ENTPD6: variants seen among roughly 807,000 people sequenced by gnomAD.
ENTPD6 encodes ectonucleoside triphosphate diphosphohydrolase 6.
Under a neutral mutation model 61.5 loss-of-function variants are expected in ENTPD6, and 46 were observed. The ratio of observed to expected loss-of-function variants is 0.75; its 90% CI spans 0.59 to 0.96. The LOEUF is 0.96. Ranked by LOEUF, ENTPD6 falls within the 40% of genes least tolerant of loss-of-function variation. The probability of loss-of-function intolerance (pLI) is 0.00; values close to 1 mark genes in which losing one functional copy is unlikely to be tolerated. For missense variants in ENTPD6, 612 were observed against 629.0 expected (o/e 0.97, Z 0.29); for synonymous variants, 252 against 255.5 (o/e 0.99, Z 0.13).
chr20:25,217,664 A>G, intron 9 of ENTPD6, 83 bp downstream of exon 9: 2 of 1,188,842 alleles, frequency 1.7e-6, no homozygotes, highest in African/African-American at 1.5e-5. Context: ...TCTTGAGGTC[A>G]TGGATGGCAG....
chr20:25,203,974 G>A (rs1202275643), intron 1 of ENTPD6, among the ~76,000 whole-genome samples: 1 of 152,196 alleles, frequency 6.6e-6, no homozygotes, highest in Non-Finnish European at 1.5e-5. Context: ...TTTCTTCTGA[G>A]GATGCATCTT....
intron 1 of ENTPD6, chr20:25,197,086 G>T (rs984047779): frequency 2.0e-6 from 2 of 985,264 alleles, no homozygotes; most frequent in Non-Finnish European, 2.4e-6. Flanking sequence ...TTTCTAATGT[G>T]CTTCATTTTT....
Position 25,216,835 on chromosome 20 carries a change from G to A in ENTPD6, c.798+99G>A, listed in dbSNP as rs146676409. On this transcript the variant is annotated intron_variant, in intron 8 of 14. Coordinates refer to ENST00000376652, the MANE Select transcript of ENTPD6 (RefSeq NM_001247.5). ...TGCTGAGGTGCTGCGGGGTGGGGTG[G>A]GGGGTGGGGTTGGCCAGGTCTCTGG... 4,774 of 844,480 alleles carry A rather than the reference G, an allele frequency of 5.7e-3. 223 individuals are homozygous for A. The highest frequency in any genetic ancestry group is 7.5e-3 in the Non-Finnish European group (4,064 of 542,814). 52.3% of individuals were successfully genotyped at this position (844,480 alleles called of 1,614,324 possible).
intron 1 of ENTPD6, among the ~76,000 whole-genome samples, chr20:25,201,419 T>C (rs6083774): frequency 0.11 from 16,935 of 152,270 alleles, 2,474 homozygotes; most frequent in African/African-American, 0.34. Flanking sequence ...TATCAGTGTC[T>C]GGTTCATATA....
intron 7 of ENTPD6, among the ~76,000 whole-genome samples, 176 bp downstream of exon 7, chr20:25,215,887 C>T (rs577335022): frequency 2.6e-5 from 4 of 152,340 alleles, no homozygotes; most frequent in Non-Finnish European, 4.4e-5. Context: ...CCACCTGTCT[C>T]ACAGGTGTAG....
Position 25,197,091 on chromosome 20 carries a change from A to G in ENTPD6, c.-16+1224A>G, listed in dbSNP as rs151061835. On this transcript the variant is annotated intron_variant, in intron 1 of 14. Coordinates refer to ENST00000376652, the MANE Select transcript of ENTPD6 (RefSeq NM_001247.5). ...TGAGTGGAAGTTTCTAATGTGCTTCATTTTTTGATACAGCGTGCATGGCAG... is the reference window on the plus strand; with the variant it reads ...TGAGTGGAAGTTTCTAATGTGCTTCGTTTTTTGATACAGCGTGCATGGCAG... The G allele has an allele frequency of 2.9e-4, 287 of 985,406 alleles. 4 individuals are homozygous for G. In the Middle Eastern group the frequency reaches 0.014, roughly 47 times the overall value. The allele number at this position is 985,406 out of a possible 1,614,324, so 61.0% of individuals were successfully genotyped here.
chr20:25,198,452 G>T (rs2090719057), intron 1 of ENTPD6, among the ~76,000 whole-genome samples: 1 of 151,940 alleles, frequency 6.6e-6, no homozygotes, highest in African/African-American at 2.4e-5. Flanking sequence ...TCCAGCCTAG[G>T]TGATAGGTGA....
chr20:25,199,370 A>G (rs73339025), intron 1 of ENTPD6, among the ~76,000 whole-genome samples: 8,628 of 152,256 alleles, frequency 0.057, 744 homozygotes, highest in African/African-American at 0.2. Flanking sequence ...TATTTGACAC[A>G]GTGGGTGGGC....
chr20:25,207,419 G>C, intron 3 of ENTPD6, 22 bp downstream of exon 3: 1 of 1,510,474 alleles, frequency 6.6e-7, no homozygotes. Context: ...TCATGGCAGG[G>C]CTCTCGGGAT....
At chr20:25,215,026 A>C (rs1600615710) in intron 6 of ENTPD6, 84 bp downstream of exon 6, 1 of 892,006 alleles carries the variant, frequency 1.1e-6, no homozygotes, top group East Asian at 2.5e-5. Context: ...ACCATCCGCC[A>C]CCCCTCCCCG....
At chr20:25,215,114 A>G (rs2092244307) in intron 6 of ENTPD6, among the ~76,000 whole-genome samples, 172 bp downstream of exon 6, 1 of 152,198 alleles carries the variant, frequency 6.6e-6, no homozygotes, top group Non-Finnish European at 1.5e-5. Flanking sequence ...CTGATTCACA[A>G]TTGACATGTC....
chr20:25,216,801 G>A, intron 8 of ENTPD6, 65 bp downstream of exon 8: 2 of 1,342,834 alleles, frequency 1.5e-6, no homozygotes, highest in Non-Finnish European at 2.1e-6. Flanking sequence ...GGGGGTGCAG[G>A]GTGGGGCCTG....
intron 9 of ENTPD6, 50 bp from the exon 10 acceptor site, chr20:25,218,500 G>T (rs995325690): frequency 1.7e-5 from 27 of 1,553,074 alleles, no homozygotes; most frequent in Non-Finnish European, 2.1e-5. Context: ...AGCCTGCCAT[G>T]ACCTGTACCT....
chr20:25,223,103 G>A, intron 12 of ENTPD6, 125 bp downstream of exon 12: 2 of 1,106,412 alleles, frequency 1.8e-6, no homozygotes, highest in Non-Finnish European at 2.5e-6. Context: ...ATCCCTGCAG[G>A]AGGCCAGAAG....
chr20:25,224,053 C>T (rs779054878), intron 12 of ENTPD6, 48 bp from the exon 13 acceptor site: 5 of 1,579,674 alleles, frequency 3.2e-6, no homozygotes, highest in South Asian at 1.1e-5. Context: ...TCAGTGGCAT[C>T]GCCAACCTCA....
chr20:25,219,495 A>C (rs1351973844), intron 10 of ENTPD6, among the ~76,000 whole-genome samples: 1 of 152,212 alleles, frequency 6.6e-6, no homozygotes, highest in African/African-American at 2.4e-5. Flanking sequence ...AGCCTGCATC[A>C]GGGCCAGGGC....
intron 4 of ENTPD6, 35 bp from the exon 5 acceptor site, chr20:25,213,228 T>C (rs769258335): frequency 5.0e-6 from 8 of 1,614,012 alleles, no homozygotes; most frequent in Non-Finnish European, 6.8e-6. Context: ...ATGCTGCACT[T>C]GACAGACCCT....
chr20:25,204,975 AG>A (rs2091342347), intron 1 of ENTPD6, among the ~76,000 whole-genome samples: 2 of 152,232 alleles, frequency 1.3e-5, no homozygotes, highest in South Asian at 4.2e-4. Context: ...TGGGGGAACA[AG>A]GGCCTTTGAG....
At chr20:25,201,797 C>G (rs1198768269) in intron 1 of ENTPD6, among the ~76,000 whole-genome samples, 2 of 152,190 alleles carry the variant, frequency 1.3e-5, no homozygotes, top group Admixed American at 1.3e-4. Context: ...CTTACTGCAG[C>G]CTTGAACTCC....
Sources: gnomAD v4.1 joint callset for allele counts (sites outside exome capture counted in the v4.1 genomes callset) on GRCh38, gnomAD v4.1.1 for gene constraint, MANE v1.5 for transcripts, NCBI Gene and HGNC (gene_info 2026-07-23, HGNC 2026-07-21) for gene names.